The following STAT6 variants were observed in gnomAD, a reference collection of about 807,000 sequenced individuals.
STAT6 encodes the protein signal transducer and activator of transcription 6, also known as STAT, interleukin4-induced.
In STAT6, 45 loss-of-function variants were observed where a neutral mutation model predicts 106.3. The ratio of observed to expected loss-of-function variants is 0.42; its 90% CI spans 0.33 to 0.54. The LOEUF is 0.54. STAT6 is among the 20% of genes least tolerant of loss of function. The pLI, the probability that STAT6 is intolerant of heterozygous loss-of-function variation, is 0.06. For missense variants in STAT6, 797 were observed against 1,062.2 expected (o/e 0.75, Z 3.47); for synonymous variants, 413 against 413.6 (o/e 1.00, Z 0.02).
At position 57,097,110 on chromosome 12, in the gene STAT6, C is replaced by G; in HGVS notation, c.2183G>C (p.Ser728Thr). The G allele has an allele frequency of 6.6e-7, 1 of 1,518,110 alleles. No homozygotes were observed. Among genetic ancestry groups the G allele is most frequent in the South Asian group, 1.3e-5 (1 of 75,278 alleles). 94.0% of individuals were successfully genotyped at this position (1,518,110 alleles called of 1,614,324 possible). ...FQEPHLQMPP[S>T]LGQMSLPFDQ... ...AAAGGGCAGGCTCATCTGGCCCAGG[C>G]TGGGGGGCATCTGCAGGTGAGGCCT... The change falls in exon 20 of 22, where the codon AGC becomes ACC. Residue 728 changes from serine to threonine, a missense_variant. Coordinates refer to ENST00000300134, the MANE Select transcript of STAT6 (RefSeq NM_003153.5).
rs776127133 is a variant in STAT6, at chr12:57,099,055, T to G, written c.1915A>C (p.Arg639=). 2 of 1,614,086 alleles carry G rather than the reference T, an allele frequency of 1.2e-6. No homozygotes were observed. Among genetic ancestry groups the G allele is most frequent in the Admixed American group, 3.3e-5 (2 of 60,016 alleles). The change falls in exon 17 of 22, where the codon AGG becomes CGG. Residue 639 remains arginine (R), a synonymous_variant. Coordinates refer to ENST00000300134, the MANE Select transcript of STAT6 (RefSeq NM_003153.5). The surrounding 1 kb of genome is among the most constrained non-coding windows in gnomAD (Gnocchi z 4.7). ...YKPEQMGKDG[R]GYVPATIKMT... ...TTGATGGTAGCTGGGACATAACCCC[T>G]GCCATCCTTACCCATCTGTTCAGCT...
chr12:57,099,118 G>A lies in STAT6; in HGVS notation c.1892-40C>T. On this transcript the variant is annotated intron_variant, in intron 16 of 21. Transcript: ENST00000300134. This position sits in a 1 kb window ranked among gnomAD's most constrained non-coding sequence, Gnocchi z 4.7. Reference sequence around the variant, plus strand: ...AAAAGACAGCCATGGAGTGCTCTGGGGTTAGGGAGGAAGGGAGGTGGAAAA... The same window carrying A: ...AAAAGACAGCCATGGAGTGCTCTGGAGTTAGGGAGGAAGGGAGGTGGAAAA... 2 of 1,612,784 alleles carry A rather than the reference G, an allele frequency of 1.2e-6. No homozygotes were observed. Among genetic ancestry groups the A allele is most frequent in the South Asian group, 1.1e-5 (1 of 91,046 alleles).
intron 7 of STAT6, chr12:57,105,980 G>T: frequency 1.3e-6 from 1 of 768,244 alleles, no homozygotes; most frequent in Non-Finnish European, 2.0e-6. Context: ...TGGGTTGGAT[G>T]AGTCCCCGCT....
chr12:57,106,894 C>G (rs979289793), intron 4 of STAT6, 63 bp from the exon 5 acceptor site: 5 of 1,600,054 alleles, frequency 3.1e-6, no homozygotes, highest in African/African-American at 1.3e-5. Context: ...TACCTGGCCT[C>G]CACTCTCTGC....
At position 57,100,710 on chromosome 12, in the gene STAT6, GAAAGAAAGAA is replaced by G. The variant is rs1481612265; in HGVS notation, c.1513-630_1513-621del. The G allele has an allele frequency of 3.7e-3, 198 of 53,250 alleles. 3 individuals are homozygous for G. Among genetic ancestry groups the G allele is most frequent in the African/African-American group, 9.8e-3 (110 of 11,240 alleles). 3.3% of individuals were successfully genotyped at this position (53,250 alleles called of 1,614,324 possible). On this transcript the variant is annotated intron_variant, in intron 13 of 21. Coordinates refer to ENST00000300134, the MANE Select transcript of STAT6 (RefSeq NM_003153.5). ...AAAGAAAGAAAGAAAGAGAAAGAAA[GAAAGAAAGAA>G]AGAAAGAAAGAAAGAAAGAAAGAAA...
At chr12:57,097,256 G>A (rs1468096253) in intron 19 of STAT6, 123 bp from the exon 20 acceptor site, 1 of 740,038 alleles carries the variant, frequency 1.4e-6, no homozygotes, top group African/African-American at 1.8e-5. Context: ...TCATGGCCTG[G>A]GCAAGCTATT....
chr12:57,107,413 A>G, intron 3 of STAT6, 99 bp from the exon 4 acceptor site: 1 of 1,348,782 alleles, frequency 7.4e-7, no homozygotes, highest in Non-Finnish European at 1.1e-6. Context: ...ACTATAAGGA[A>G]GCACAACTGT....
chr12:57,108,198 C>T lies in STAT6; in HGVS notation c.81G>A (p.Arg27=). Reference sequence around the variant, plus strand: ...TCTCCAGCCAGTCACCCAGAAGATGCCGCAGGTGTTGGGGAAAGTCGACAT... The same window carrying T: ...TCTCCAGCCAGTCACCCAGAAGATGTCGCAGGTGTTGGGGAAAGTCGACAT... ...RLYVDFPQHL[R]HLLGDWLESQ... Residue 27 remains arginine (R), a synonymous_variant, in exon 2 of 22, where the codon CGG becomes CGA. Coordinates refer to ENST00000300134, the MANE Select transcript of STAT6 (RefSeq NM_003153.5). 6.2e-7 allele frequency: 1 copy of T among 1,612,496 alleles called. No individual in the cohort carries two copies. The highest frequency in any genetic ancestry group is 1.7e-5 in the Admixed American group (1 of 59,872).
intron 1 of STAT6, 25 bp from the exon 2 acceptor site, chr12:57,108,324 C>A (rs375688403): frequency 3.1e-6 from 4 of 1,278,566 alleles, no homozygotes; most frequent in Non-Finnish European, 4.5e-6. Context: ...TAAGGCCACT[C>A]TGAGGGGTGC....
Position 57,099,659 on chromosome 12 carries a change from C to T in STAT6, c.1744+108G>A. Reference sequence around the variant, plus strand: ...GAAGGAAGAAGAGAAGCTGGAAGAACTTCCTGAAGATCAGGATCGGCATCA... The same window carrying T: ...GAAGGAAGAAGAGAAGCTGGAAGAATTTCCTGAAGATCAGGATCGGCATCA... On this transcript the variant is annotated intron_variant, in intron 15 of 21. Transcript: ENST00000300134. The surrounding 1 kb of genome is among the most constrained non-coding windows in gnomAD (Gnocchi z 4.7). The T allele has an allele frequency of 6.6e-7, 1 of 1,505,144 alleles. No homozygotes were observed. Among genetic ancestry groups the T allele is most frequent in the East Asian group, 2.3e-5 (1 of 43,432 alleles). 93.2% of individuals were successfully genotyped at this position (1,505,144 alleles called of 1,614,324 possible).
rs2033504927 is a variant in STAT6 at position 57,097,255 on chromosome 12, G to A, written c.2160-122C>T. On this transcript the variant is annotated intron_variant, in intron 19 of 21. Transcript: ENST00000300134. Reference sequence around the variant, plus strand: ...CCTTATCCTGACTTAGTCATGGCCTGGGCAAGCTATTTCTATGCTCTGAGC... The same window carrying A: ...CCTTATCCTGACTTAGTCATGGCCTAGGCAAGCTATTTCTATGCTCTGAGC... 1.1e-5 allele frequency: 8 copies of A among 748,232 alleles called. No individual in the cohort carries two copies. In the South Asian group the frequency reaches 1.6e-4, roughly 15 times the overall value. 46.3% of individuals were successfully genotyped at this position (748,232 alleles called of 1,614,324 possible).
chr12:57,110,464 A>G (rs796835291), intron 1 of STAT6: 45 of 152,246 alleles, frequency 3.0e-4, no homozygotes, highest in African/African-American at 1.1e-3. Flanking sequence ...CTCAACCCCT[A>G]TCTGCCCGAG....
chr12:57,107,486 G>T, intron 3 of STAT6, 119 bp downstream of exon 3: 1 of 1,406,608 alleles, frequency 7.1e-7, no homozygotes, highest in Non-Finnish European at 9.8e-7. Context: ...CTAGCTAGCA[G>T]TTAACCACAG....
chr12:57,109,561 A>C (rs1375691505), intron 1 of STAT6, among the ~76,000 whole-genome samples: 1 of 152,014 alleles, frequency 6.6e-6, no homozygotes, highest in African/African-American at 2.4e-5. Context: ...AGGTGGGAGG[A>C]GACTTGAAGG....
intron 7 of STAT6, 183 bp downstream of exon 7, chr12:57,106,008 C>A (rs1295718710): frequency 2.0e-6 from 2 of 1,025,370 alleles, no homozygotes; most frequent in Non-Finnish European, 2.8e-6. Flanking sequence ...CTCCACTAGG[C>A]CCACTTGTAC....
At chr12:57,108,995 A>C in intron 1 of STAT6, among the ~76,000 whole-genome samples, 1 of 152,114 alleles carries the variant, frequency 6.6e-6, no homozygotes, top group East Asian at 1.9e-4. Context: ...TCAGGAGATC[A>C]AGACCATCCT....
At chr12:57,106,901 C>T in intron 4 of STAT6, 70 bp from the exon 5 acceptor site, 7 of 1,595,782 alleles carry the variant, frequency 4.4e-6, no homozygotes, top group Non-Finnish European at 6.0e-6. Context: ...CCTCCACTCT[C>T]TGCTCTGCAG....
chr12:57,102,948 T>G lies in STAT6; in HGVS notation c.1213-27A>C. The G allele has an allele frequency of 3.9e-6, 4 of 1,036,820 alleles. 1 individual carries two copies. Among genetic ancestry groups the G allele is most frequent in the Non-Finnish European group, 5.6e-6 (4 of 720,460 alleles). 64.2% of individuals were successfully genotyped at this position (1,036,820 alleles called of 1,614,324 possible). ...TGAAGAGGGTGAGGACAGGGGTTTC[T>G]TTTCTTTCTTTCTTTCCTTTTTTTT... On this transcript the variant is annotated intron_variant, in intron 11 of 21. Transcript: ENST00000300134.
intron 2 of STAT6, 64 bp from the exon 3 acceptor site, chr12:57,107,807 C>A: frequency 6.2e-7 from 1 of 1,601,456 alleles, no homozygotes; most frequent in Non-Finnish European, 8.5e-7. Flanking sequence ...TGACCCTTTA[C>A]CCCACAGCCA....
Sources: allele counts gnomAD v4.1 joint callset (sites outside exome capture counted in the v4.1 genomes callset), GRCh38; gene constraint gnomAD v4.1.1; non-coding constraint Gnocchi (gnomAD v3.1); transcripts MANE v1.5; gene names NCBI Gene and HGNC (gene_info 2026-07-23, HGNC 2026-07-21).